Variants in RAD51B observed in about 807,000 individuals in gnomAD.
RAD51B encodes the protein DNA repair protein RAD51 homolog 2.
In RAD51B, 38 loss-of-function variants were observed where a neutral mutation model predicts 42.2. The ratio of observed to expected loss-of-function variants is 0.90; its 90% CI spans 0.70 to 1.18. The LOEUF is 1.18. RAD51B is among the 50% of genes most tolerant of loss of function. The probability of loss-of-function intolerance (pLI) is 0.00; values close to 1 mark genes in which losing one functional copy is unlikely to be tolerated. For synonymous variants in RAD51B, 154 were observed against 145.2 expected, an observed-to-expected ratio of 1.06 and a Z score of -0.43; for missense variants, 373 against 400.7, an observed-to-expected ratio of 0.93 and a Z score of 0.59.
intron 10 of RAD51B, among the ~76,000 whole-genome samples, chr14:68,505,806 G>A (rs947737124): frequency 6.6e-6 from 1 of 152,138 alleles, no homozygotes; most frequent in Non-Finnish European, 1.5e-5. Flanking sequence ...GCCCGCCTCG[G>A]CCTCCCAAAG....
intron 7 of RAD51B, among the ~76,000 whole-genome samples, chr14:68,227,521 T>G (rs975191857): frequency 6.6e-6 from 1 of 152,224 alleles, no homozygotes; most frequent in Non-Finnish European, 1.5e-5. Flanking sequence ...CTGTGATTCT[T>G]ACTAAAAAAG....
chr14:68,458,458 A>C (rs1200514401), intron 9 of RAD51B, among the ~76,000 whole-genome samples: 1 of 152,186 alleles, frequency 6.6e-6, no homozygotes, highest in Non-Finnish European at 1.5e-5. Context: ...ATCAGAAAAA[A>C]TTAATATTTT....
chr14:68,268,468 T>G (rs1050501629), intron 7 of RAD51B, among the ~76,000 whole-genome samples: 5 of 152,206 alleles, frequency 3.3e-5, no homozygotes, highest in Admixed American at 3.3e-4. Context: ...AGTGGCTGTT[T>G]GTGGATGACC....
At chr14:68,531,242 T>C (rs1887289243) in intron 10 of RAD51B, among the ~76,000 whole-genome samples, 1 of 151,346 alleles carries the variant, frequency 6.6e-6, no homozygotes, top group South Asian at 2.1e-4. Flanking sequence ...GAAAACTAAA[T>C]AAAATGGAAG....
rs185158358 is a variant in RAD51B, at chr14:68,289,130, A to G, written c.757-2754A>G. Among the ~76,000 whole-genome samples, 469 of 152,326 alleles carry G rather than the reference A, an allele frequency of 3.1e-3. 2 individuals carry two copies. The highest frequency in any genetic ancestry group is 5.6e-3 in the Admixed American group (85 of 15,300). ...ATAGAAAATTGTGATTTAGTGTTCTATTGTTAGAACCAACTGCCTGGAGCC... is the reference window on the plus strand; with the variant it reads ...ATAGAAAATTGTGATTTAGTGTTCTGTTGTTAGAACCAACTGCCTGGAGCC... On this transcript the variant is annotated intron_variant, in intron 7 of 10. Transcript: ENST00000471583.
chr14:68,341,084 G>A (rs902085375), intron 8 of RAD51B, among the ~76,000 whole-genome samples: 5 of 152,192 alleles, frequency 3.3e-5, no homozygotes, highest in Non-Finnish European at 7.3e-5. Flanking sequence ...CAGAGAGAAT[G>A]TTAAGGCAAA....
intron 10 of RAD51B, among the ~76,000 whole-genome samples, chr14:68,604,235 T>C (rs544086252): frequency 5.3e-5 from 8 of 152,192 alleles, no homozygotes; most frequent in African/African-American, 1.9e-4. Flanking sequence ...CCCGGCCCAC[T>C]CCCAGGCTGA....
intron 1 of RAD51B, among the ~76,000 whole-genome samples, chr14:67,820,604 A>G (rs1738622168): frequency 6.6e-6 from 1 of 152,068 alleles, no homozygotes; most frequent in South Asian, 2.1e-4. Flanking sequence ...TAGTATTTTG[A>G]TAAGATTATC....
chr14:68,673,371 CTG>C (rs1893200534), intron 11 of RAD51B, among the ~76,000 whole-genome samples: 1 of 149,790 alleles, frequency 6.7e-6, no homozygotes, highest in South Asian at 2.1e-4. Flanking sequence ...CATAAACACA[CTG>C]TACACACAAA....
chr14:68,327,170 T>C (rs2082266089), intron 8 of RAD51B, among the ~76,000 whole-genome samples: 1 of 152,212 alleles, frequency 6.6e-6, no homozygotes, highest in Non-Finnish European at 1.5e-5. Context: ...TAATTTTATC[T>C]GTTTTAGAAA....
At chr14:67,976,212 G>A (rs2074990837) in intron 7 of RAD51B, among the ~76,000 whole-genome samples, 1 of 151,886 alleles carries the variant, frequency 6.6e-6, no homozygotes, top group South Asian at 2.1e-4. Flanking sequence ...GACCTCCTGG[G>A]CTCAAGCAAT....
intron 8 of RAD51B, among the ~76,000 whole-genome samples, chr14:68,360,790 C>T (rs2139910111): frequency 6.6e-6 from 1 of 152,276 alleles, no homozygotes; most frequent in South Asian, 2.1e-4. Flanking sequence ...CCCAAAGGCC[C>T]AGGGAAGATG....
chr14:68,403,655 G>T (rs899067083), intron 8 of RAD51B, among the ~76,000 whole-genome samples: 1 of 152,156 alleles, frequency 6.6e-6, no homozygotes, highest in Non-Finnish European at 1.5e-5. Flanking sequence ...TGAGAAATTC[G>T]TCTTCATAAC....
chr14:67,846,106 T>C (rs1324797327), intron 4 of RAD51B, among the ~76,000 whole-genome samples: 2 of 152,092 alleles, frequency 1.3e-5, no homozygotes, highest in African/African-American at 4.8e-5. Context: ...GATCTGTGCT[T>C]GTTCACATGT....
chr14:68,493,934 T>C (rs2140285990), intron 10 of RAD51B, among the ~76,000 whole-genome samples: 1 of 152,316 alleles, frequency 6.6e-6, no homozygotes, highest in East Asian at 1.9e-4. Context: ...GGTTTCATGT[T>C]CAAAGGCTCC....
chr14:68,153,462 A>G (rs1034692302), intron 7 of RAD51B, among the ~76,000 whole-genome samples: 5 of 152,140 alleles, frequency 3.3e-5, no homozygotes, highest in Admixed American at 6.6e-5. Context: ...CCAGCAGTGT[A>G]TAAGTGTTTC....
In RAD51B at chr14:68,188,148, G is replaced by A. The variant is rs148358279; in HGVS notation, c.757-103736G>A. Among the ~76,000 whole-genome samples, 750 of 152,130 alleles carry A rather than the reference G, an allele frequency of 4.9e-3. 4 individuals are homozygous for A. Among genetic ancestry groups the A allele is most frequent in the African/African-American group, 0.017 (719 of 41,486 alleles). On this transcript the variant is annotated intron_variant, in intron 7 of 10. Coordinates refer to ENST00000471583, the MANE Select transcript of RAD51B (RefSeq NM_133510.4). ...TTTTATAAAACCCTTTGTAATACCA[G>A]TTGTCTTAATTTTTCATATTCTTTC...
At chr14:68,488,721 C>T (rs1473018102) in intron 10 of RAD51B, among the ~76,000 whole-genome samples, 2 of 152,134 alleles carry the variant, frequency 1.3e-5, no homozygotes. Flanking sequence ...TTGTTGTATT[C>T]GGAGTTGAGC....
At chr14:68,639,499 C>T (rs557913813) in intron 10 of RAD51B, among the ~76,000 whole-genome samples, 1 of 152,278 alleles carries the variant, frequency 6.6e-6, no homozygotes, top group African/African-American at 2.4e-5. Flanking sequence ...ATCTGGTGGT[C>T]ACCTCTGCCA....
Sources: gnomAD v4.1 joint callset for allele counts (sites outside exome capture counted in the v4.1 genomes callset) on GRCh38, gnomAD v4.1.1 for gene constraint, MANE v1.5 for transcripts, NCBI Gene and HGNC (gene_info 2026-07-23, HGNC 2026-07-21) for gene names.